Variants in GRID2 observed in about 807,000 individuals in gnomAD.
GRID2 encodes glutamate ionotropic receptor delta type subunit 2.
Under a neutral mutation model 114.8 loss-of-function variants are expected in GRID2, and 33 were observed. The ratio of observed to expected loss-of-function variants is 0.29; its 90% CI spans 0.22 to 0.38. The LOEUF (loss-of-function observed/expected upper bound fraction) is 0.38. Ranked by LOEUF, GRID2 falls within the 10% of genes least tolerant of loss-of-function variation. The pLI is 1.00. For synonymous variants in GRID2, 505 were observed against 449.9 expected, an observed-to-expected ratio of 1.12 and a Z score of -1.55; for missense variants, 1,184 against 1,257.7, an observed-to-expected ratio of 0.94 and a Z score of 0.89.
At chr4:93,543,612 A>C (rs1040423949) in intron 13 of GRID2, among the ~76,000 whole-genome samples, 14 of 152,152 alleles carry the variant, frequency 9.2e-5, no homozygotes, top group African/African-American at 3.4e-4. Flanking sequence ...GTAGACAATA[A>C]CTTCAATGTG....
intron 2 of GRID2, among the ~76,000 whole-genome samples, chr4:92,747,970 G>A (rs1053902625): frequency 1.3e-5 from 2 of 152,040 alleles, no homozygotes; most frequent in African/African-American, 2.4e-5. Flanking sequence ...AGAATTACTA[G>A]GACTGCATTA....
chr4:93,400,327 A>G (rs769750139), intron 9 of GRID2, among the ~76,000 whole-genome samples: 1 of 152,158 alleles, frequency 6.6e-6, no homozygotes, highest in Non-Finnish European at 1.5e-5. Context: ...ATGGAGGAAA[A>G]GAAAGAATGA....
chr4:93,752,130 T>C (rs534656347), intron 14 of GRID2, among the ~76,000 whole-genome samples: 1 of 152,236 alleles, frequency 6.6e-6, no homozygotes, highest in East Asian at 1.9e-4. Context: ...CTGTACCACA[T>C]TAGTCTTTAT....
At chr4:93,418,636 A>G (rs1195028202) in intron 9 of GRID2, among the ~76,000 whole-genome samples, 1 of 152,036 alleles carries the variant, frequency 6.6e-6, no homozygotes, top group Admixed American at 6.6e-5. Context: ...TTGGTGCAAA[A>G]GTAACTTAGG....
intron 2 of GRID2, among the ~76,000 whole-genome samples, chr4:92,631,012 GAGAAAAAAAAAA>G (rs1730781852): frequency 2.0e-5 from 3 of 148,472 alleles, no homozygotes; most frequent in African/African-American, 7.4e-5. Context: ...TGAGTATAAT[GAGAAAAAAAAAA>G]AGAAAAAAAC....
At chr4:92,965,163 GA>G (rs749634308) in intron 2 of GRID2, among the ~76,000 whole-genome samples, 1 of 151,772 alleles carries the variant, frequency 6.6e-6, no homozygotes, top group African/African-American at 2.4e-5. Context: ...GGAATACTGG[GA>G]GGGGGGAATT....
chr4:93,084,526 C>G (rs992730551), intron 2 of GRID2, among the ~76,000 whole-genome samples: 7 of 152,196 alleles, frequency 4.6e-5, no homozygotes, highest in African/African-American at 1.7e-4. Flanking sequence ...TCCAAACCTT[C>G]ATCTTTCTGT....
intron 1 of GRID2, among the ~76,000 whole-genome samples, chr4:92,344,130 T>G (rs1727647298): frequency 6.6e-6 from 1 of 152,154 alleles, no homozygotes; most frequent in Admixed American, 6.5e-5. Flanking sequence ...CAACTTATAA[T>G]TTAATAATTA....
chr4:93,099,081 G>C (rs963509279), intron 3 of GRID2, among the ~76,000 whole-genome samples: 2 of 150,128 alleles, frequency 1.3e-5, no homozygotes, highest in African/African-American at 4.9e-5. Context: ...TGTTGTTTGG[G>C]TCCTTTTCCA....
intron 2 of GRID2, among the ~76,000 whole-genome samples, chr4:92,803,610 G>A (rs1740275870): frequency 1.3e-5 from 2 of 151,822 alleles, no homozygotes; most frequent in Non-Finnish European, 2.9e-5. Context: ...TGTGTTTATA[G>A]AATTTTAAGT....
At chr4:92,867,053 A>G (rs1347671685) in intron 2 of GRID2, among the ~76,000 whole-genome samples, 1 of 152,220 alleles carries the variant, frequency 6.6e-6, no homozygotes, top group African/African-American at 2.4e-5. Context: ...TTAGTAGTTT[A>G]AATGATTTTT....
At chr4:93,483,115 T>A (rs953214785) in intron 11 of GRID2, among the ~76,000 whole-genome samples, 3 of 152,052 alleles carry the variant, frequency 2.0e-5, no homozygotes, top group Non-Finnish European at 4.4e-5. Context: ...AGAATATGCT[T>A]ATGCTGGCAA....
intron 1 of GRID2, among the ~76,000 whole-genome samples, chr4:92,471,929 T>TCATTGCTTGTTATAAA (rs1560653202): frequency 5.0e-4 from 38 of 75,346 alleles, no homozygotes; most frequent in East Asian, 9.3e-4. Flanking sequence ...CATATTTCTT[T>TCATTGCTTGTTATAAA]TTTTTTTTTT....
intron 2 of GRID2, among the ~76,000 whole-genome samples, chr4:93,063,152 A>C (rs2149295340): frequency 6.6e-6 from 1 of 152,028 alleles, no homozygotes; most frequent in Non-Finnish European, 1.5e-5. Flanking sequence ...GAAATTGAAT[A>C]AATAGTACTA....
intron 8 of GRID2, among the ~76,000 whole-genome samples, chr4:93,350,721 A>T (rs969921447): frequency 5.3e-5 from 8 of 152,070 alleles, no homozygotes; most frequent in African/African-American, 1.9e-4. Flanking sequence ...AAGACCAGGA[A>T]GCCAAGTGTA....
At chr4:92,671,257 AC>A (rs1275900392) in intron 2 of GRID2, among the ~76,000 whole-genome samples, 2 of 80,610 alleles carry the variant, frequency 2.5e-5, no homozygotes, top group East Asian at 7.7e-4. Flanking sequence ...ATGAAAACTT[AC>A]TCACTATCAT....
At chr4:92,568,786 A>G (rs966981327) in intron 1 of GRID2, among the ~76,000 whole-genome samples, 2 of 151,908 alleles carry the variant, frequency 1.3e-5, no homozygotes, top group Admixed American at 1.3e-4. Flanking sequence ...ATGTGTTCTC[A>G]TCATTTAGCT....
intron 2 of GRID2, among the ~76,000 whole-genome samples, chr4:92,655,283 G>A (rs377485337): frequency 1.6e-4 from 25 of 151,844 alleles, no homozygotes; most frequent in Admixed American, 1.3e-3. Flanking sequence ...GGTTACTATA[G>A]CCTTGTCTTA....
At chr4:93,390,889 T>C (rs1483797843) in intron 8 of GRID2, among the ~76,000 whole-genome samples, 1 of 152,132 alleles carries the variant, frequency 6.6e-6, no homozygotes, top group South Asian at 2.1e-4. Context: ...TCTCATGTTT[T>C]CTTCATTTGT....
Sources: gnomAD v4.1 joint callset for allele counts (sites outside exome capture counted in the v4.1 genomes callset) on GRCh38, gnomAD v4.1.1 for gene constraint, MANE v1.5 for transcripts, NCBI Gene and HGNC (gene_info 2026-07-23, HGNC 2026-07-21) for gene names.